Variants in NARS2 observed in about 807,000 individuals in gnomAD.
The protein encoded by NARS2 is asparaginyl-tRNA synthetase 2, mitochondrial.
Under a neutral mutation model 62.9 loss-of-function variants are expected in NARS2, and 60 were observed. The observed-to-expected ratio is 0.95, with a 90% CI of 0.77 to 1.18. The LOEUF (loss-of-function observed/expected upper bound fraction) is 1.18. NARS2 is among the 50% of genes most tolerant of loss of function. NARS2 has a pLI of 0.00. For missense variants in NARS2, 619 were observed against 576.4 expected, an observed-to-expected ratio of 1.07 and a Z score of -0.76; for synonymous variants, 196 against 200.0, an observed-to-expected ratio of 0.98 and a Z score of 0.17.
chr11:78,459,952 A>G (rs933720678), intron 11 of NARS2, among the ~76,000 whole-genome samples: 2 of 152,242 alleles, frequency 1.3e-5, no homozygotes, highest in Non-Finnish European at 2.9e-5. Flanking sequence ...GAGGGTCAAG[A>G]AAGGTTTCTC....
intron 11 of NARS2, among the ~76,000 whole-genome samples, chr11:78,445,515 G>A (rs994784859): frequency 6.6e-6 from 1 of 152,150 alleles, no homozygotes; most frequent in Non-Finnish European, 1.5e-5. Flanking sequence ...CAGCTGTTCT[G>A]GAGGCTGAGG....
intron 9 of NARS2, among the ~76,000 whole-genome samples, chr11:78,474,811 ATATTT>A (rs1859017368): frequency 6.6e-6 from 1 of 152,136 alleles, no homozygotes. Flanking sequence ...TAATTGACAA[ATATTT>A]TATGTATTTA....
At chr11:78,497,079 C>T (rs1184281583) in intron 6 of NARS2, among the ~76,000 whole-genome samples, 2 of 151,896 alleles carry the variant, frequency 1.3e-5, no homozygotes, top group Admixed American at 6.6e-5. Context: ...AGAAAACACT[C>T]GGCACTAAGA....
chr11:78,528,962 A>G, intron 5 of NARS2, 26 bp from the exon 6 acceptor site: 1 of 1,415,466 alleles, frequency 7.1e-7, no homozygotes, highest in African/African-American at 1.4e-5. Flanking sequence ...ATAAGCCACA[A>G]AAAACTATTA....
chr11:78,549,282 A>G (rs570975930), intron 5 of NARS2, among the ~76,000 whole-genome samples: 53 of 152,334 alleles, frequency 3.5e-4, no homozygotes, highest in African/African-American at 1.2e-3. Flanking sequence ...CTGAACACTC[A>G]GCTCCTAAAT....
chr11:78,441,798 T>C (rs760123684), intron 12 of NARS2, among the ~76,000 whole-genome samples: 1 of 152,116 alleles, frequency 6.6e-6, no homozygotes, highest in Non-Finnish European at 1.5e-5. Context: ...GAGATATAAC[T>C]TTCATTCTTC....
chr11:78,468,705 G>C (rs1858738614), intron 10 of NARS2, among the ~76,000 whole-genome samples: 2 of 151,710 alleles, frequency 1.3e-5, no homozygotes, highest in African/African-American at 4.8e-5. Context: ...CACCCAGCCT[G>C]GTCATCTTTT....
At chr11:78,563,463 G>A (rs1226279915) in intron 4 of NARS2, among the ~76,000 whole-genome samples, 1 of 151,776 alleles carries the variant, frequency 6.6e-6, no homozygotes, top group Non-Finnish European at 1.5e-5. Flanking sequence ...TGATCTGCCT[G>A]CCTCGGCCTC....
chr11:78,437,690 T>A (rs1017408930), intron 13 of NARS2, among the ~76,000 whole-genome samples: 1 of 152,060 alleles, frequency 6.6e-6, no homozygotes, highest in Non-Finnish European at 1.5e-5. Context: ...TAAAACAAGT[T>A]TATCGGCCGG....
At chr11:78,538,994 C>CA (rs59917269) in intron 5 of NARS2, among the ~76,000 whole-genome samples, 676 of 49,798 alleles carry the variant, frequency 0.014, 65 homozygotes, top group East Asian at 0.031. Context: ...GAATCCGTCT[C>CA]AAAAAAAAAA....
intron 5 of NARS2, among the ~76,000 whole-genome samples, chr11:78,552,065 G>T (rs1431532885): frequency 6.6e-6 from 1 of 151,864 alleles, no homozygotes; most frequent in Non-Finnish European, 1.5e-5. Context: ...CGTGTCATGG[G>T]AGTTTGTTGT....
At chr11:78,531,220 CA>C (rs199691480) in intron 5 of NARS2, among the ~76,000 whole-genome samples, 9 of 149,628 alleles carry the variant, frequency 6.0e-5, no homozygotes, top group African/African-American at 1.7e-4. Context: ...AATGCTGAGC[CA>C]AAAAAAAGGC....
chr11:78,493,220 C>T, intron 6 of NARS2, 25 bp from the exon 7 acceptor site: 1 of 1,596,752 alleles, frequency 6.3e-7, no homozygotes, highest in Non-Finnish European at 8.5e-7. Context: ...TAAGAGAATG[C>T]AAATAGAATT....
intron 3 of NARS2, among the ~76,000 whole-genome samples, chr11:78,567,650 T>G (rs550183689): frequency 3.3e-4 from 50 of 152,380 alleles, no homozygotes; most frequent in African/African-American, 1.2e-3. Flanking sequence ...ACCTGATTTC[T>G]GATTTTACAT....
intron 1 of NARS2, 28 bp from the exon 2 acceptor site, chr11:78,571,472 A>T (rs756277206): frequency 6.6e-7 from 1 of 1,515,360 alleles, no homozygotes; most frequent in Non-Finnish European, 9.2e-7. Flanking sequence ...TTCCAATGTG[A>T]GCGTAAAACA....
chr11:78,514,139 T>C (rs980133249), intron 6 of NARS2, among the ~76,000 whole-genome samples: 1 of 152,156 alleles, frequency 6.6e-6, no homozygotes, highest in Admixed American at 6.5e-5. Context: ...TCTCTCTTTT[T>C]TGAGACAGGG....
At chr11:78,481,108 A>T (rs1859335123) in intron 7 of NARS2, among the ~76,000 whole-genome samples, 1 of 151,780 alleles carries the variant, frequency 6.6e-6, no homozygotes, top group African/African-American at 2.4e-5. Flanking sequence ...GGCATGAGCC[A>T]CCACACCTGG....
At chr11:78,562,732 A>G (rs537576700) in intron 4 of NARS2, among the ~76,000 whole-genome samples, 17 of 152,240 alleles carry the variant, frequency 1.1e-4, no homozygotes, top group African/African-American at 3.9e-4. Context: ...GTTTTAGTAC[A>G]TAACAAGTAT....
chr11:78,523,350 G>A (rs1861194729), intron 6 of NARS2, among the ~76,000 whole-genome samples: 1 of 152,204 alleles, frequency 6.6e-6, no homozygotes, highest in South Asian at 2.1e-4. Flanking sequence ...AAACTGGAAT[G>A]CTTTTGCTAT....
Sources: allele counts gnomAD v4.1 joint callset (sites outside exome capture counted in the v4.1 genomes callset), GRCh38; gene constraint gnomAD v4.1.1; transcripts MANE v1.5; gene names NCBI Gene and HGNC (gene_info 2026-07-23, HGNC 2026-07-21).